Variants in COL28A1 observed in about 807,000 individuals in gnomAD.
COL28A1 encodes collagen type XXVIII alpha 1 chain, also known as collagen alpha-1(XXVIII) chain.
Under a neutral mutation model 150.2 loss-of-function variants are expected in COL28A1, and 161 were observed. The observed-to-expected ratio is 1.07, with a 90% CI of 0.94 to 1.22. The LOEUF is 1.22. Ranked by LOEUF, COL28A1 falls within the 50% of genes most tolerant of loss-of-function variation. The pLI, the probability that COL28A1 is intolerant of heterozygous loss-of-function variation, is 0.00. For missense variants in COL28A1, 1,617 were observed against 1,388.3 expected (o/e 1.16, Z -2.62); for synonymous variants, 552 against 469.7 (o/e 1.18, Z -2.26).
intron 9 of COL28A1, 72 bp from the exon 10 acceptor site, chr7:7,507,233 G>C (rs1352653786): frequency 1.3e-6 from 1 of 757,620 alleles, no homozygotes; most frequent in African/African-American, 1.8e-5. Flanking sequence ...AGGTAGGAGG[G>C]AAGGAAATGT....
At chr7:7,383,798 TTTAGG>T (rs1782031624) in intron 27 of COL28A1, among the ~76,000 whole-genome samples, 3 of 151,314 alleles carry the variant, frequency 2.0e-5, no homozygotes, top group African/African-American at 7.3e-5. Flanking sequence ...CTGATGCACA[TTTAGG>T]TTATTTCCAA....
intron 27 of COL28A1, among the ~76,000 whole-genome samples, chr7:7,398,677 A>G (rs1426246652): frequency 1.3e-5 from 2 of 152,188 alleles, no homozygotes; most frequent in African/African-American, 4.8e-5. Context: ...TATCTGTAAA[A>G]CCTGCCAAAT....
chr7:7,349,968 T>C, the COL28A1 span, among the ~76,000 whole-genome samples: 1 of 152,000 alleles, frequency 6.6e-6, no homozygotes, highest in South Asian at 2.1e-4. Context: ...TTTAAGGACA[T>C]GGAGAGAGAT....
At chr7:7,366,959 A>G (rs973318288) in intron 33 of COL28A1, among the ~76,000 whole-genome samples, 2 of 152,212 alleles carry the variant, frequency 1.3e-5, no homozygotes, top group African/African-American at 2.4e-5. Context: ...GTATGTATAT[A>G]CTATGTGTGT....
At chr7:7,446,245 G>T (rs1160830061) in intron 18 of COL28A1, among the ~76,000 whole-genome samples, 1 of 151,808 alleles carries the variant, frequency 6.6e-6, no homozygotes, top group African/African-American at 2.4e-5. Flanking sequence ...TTTTTTAAAA[G>T]ATATCAATAA....
intron 3 of COL28A1, among the ~76,000 whole-genome samples, chr7:7,529,902 AG>A (rs1782251844): frequency 6.6e-6 from 1 of 152,146 alleles, no homozygotes. Flanking sequence ...TTCATGCAAA[AG>A]AGCTGCTCAG....
chr7:7,516,761 T>C (rs1042156596), intron 7 of COL28A1, among the ~76,000 whole-genome samples: 3 of 152,088 alleles, frequency 2.0e-5, no homozygotes, highest in Non-Finnish European at 2.9e-5. Context: ...TATTATCTAT[T>C]TATTTATTTA....
intron 27 of COL28A1, among the ~76,000 whole-genome samples, chr7:7,414,542 G>T (rs1333370765): frequency 6.6e-6 from 1 of 152,200 alleles, no homozygotes; most frequent in Non-Finnish European, 1.5e-5. Flanking sequence ...GTGCTCTCAG[G>T]GTTTTCCAGG....
intron 26 of COL28A1, among the ~76,000 whole-genome samples, chr7:7,418,869 A>T (rs1784246015): frequency 6.6e-6 from 1 of 152,172 alleles, no homozygotes; most frequent in Non-Finnish European, 1.5e-5. Context: ...AGTGATCTAG[A>T]AGGTTCAAAA....
At chr7:7,385,556 A>G (rs889901761) in intron 27 of COL28A1, among the ~76,000 whole-genome samples, 16 of 150,172 alleles carry the variant, frequency 1.1e-4, no homozygotes, top group African/African-American at 3.8e-4. Context: ...AATATTTCAG[A>G]TTCCTCCAGA....
intron 25 of COL28A1, among the ~76,000 whole-genome samples, chr7:7,429,118 T>C (rs1457603949): frequency 2.0e-5 from 3 of 152,218 alleles, no homozygotes; most frequent in Admixed American, 1.3e-4. Context: ...AAAACACATT[T>C]GTTTTGTAAG....
intron 13 of COL28A1, among the ~76,000 whole-genome samples, chr7:7,481,965 T>C (rs781673761): frequency 6.6e-6 from 1 of 152,220 alleles, no homozygotes; most frequent in Non-Finnish European, 1.5e-5. Context: ...ATTTAATTTT[T>C]ATGAATCAGT....
rs771971907 is a variant in COL28A1 at position 7,531,797 on chromosome 7, T to A, written c.232A>T (p.Ile78Phe). The change falls in exon 3 of 35, where the codon ATT becomes TTT. Residue 78 changes from isoleucine to phenylalanine, a missense_variant. Coordinates refer to ENST00000399429, the MANE Select transcript of COL28A1 (RefSeq NM_001037763.3). Reference protein sequence around the residue: ...KDFVDSLSDKIFQLTPGRSLE... With the variant: ...KDFVDSLSDKFFQLTPGRSLE... The stretch of plus-strand genomic sequence containing the variant: ...GAGCGACCAGGAGTCAATTGGAAAA[T>A]CTTGTCACTCAAGCTATCCACAAAA... 2 of 1,604,196 alleles carry A rather than the reference T, an allele frequency of 1.2e-6. No individual in the cohort carries two copies. The highest frequency in any genetic ancestry group is 2.2e-5 in the South Asian group (2 of 90,886).
intron 25 of COL28A1, among the ~76,000 whole-genome samples, chr7:7,429,137 T>C (rs1440686157): frequency 6.6e-6 from 1 of 152,170 alleles, no homozygotes; most frequent in Non-Finnish European, 1.5e-5. Context: ...AGTTAATGCC[T>C]TAAGGCCACA....
intron 23 of COL28A1, among the ~76,000 whole-genome samples, chr7:7,434,762 C>G (rs1474553815): frequency 1.3e-5 from 2 of 152,134 alleles, no homozygotes; most frequent in Non-Finnish European, 2.9e-5. Flanking sequence ...ATTTTGGACT[C>G]CTTACCATAT....
chr7:7,477,126 A>G lies in COL28A1; in HGVS notation c.1219T>C (p.Phe407Leu), dbSNP rs756985172. ...GGTATTGTTACCTTTGGTCCTGGAA[A>G]TCCTTCTCCGGGTAAGCCCCTCTCT... The part of the protein sequence containing the change: ...PGERGLPGEG[F>L]PGPKGEKGSE... The change falls in exon 14 of 35, where the codon TTT becomes CTT. Residue 407 changes from phenylalanine (F) to leucine (L), a missense_variant. By Grantham distance (22) the Phe-to-Leu change is conservative. Transcript: ENST00000399429. The G allele has an allele frequency of 8.5e-6, 11 of 1,288,240 alleles. No individual in the cohort carries two copies. Among genetic ancestry groups the G allele is most frequent in the Non-Finnish European group, 1.2e-5 (11 of 881,920 alleles). The allele number at this position is 1,288,240 out of a possible 1,614,324, so 79.8% of individuals were successfully genotyped here.
chr7:7,448,141 C>T (rs142340883), intron 18 of COL28A1, among the ~76,000 whole-genome samples: 206 of 152,186 alleles, frequency 1.4e-3, no homozygotes, highest in African/African-American at 4.8e-3. Flanking sequence ...AAATACTGGC[C>T]AAATATTTTC....
intron 18 of COL28A1, 89 bp downstream of exon 18, chr7:7,452,230 A>G (rs77154721): frequency 0.14 from 215,360 of 1,536,622 alleles, 18,962 homozygotes; most frequent in African/African-American, 0.43. Flanking sequence ...GATAACACAC[A>G]CAGAGTCTGT....
intron 13 of COL28A1, among the ~76,000 whole-genome samples, chr7:7,479,511 G>C (rs1789220214): frequency 6.6e-6 from 1 of 152,202 alleles, no homozygotes; most frequent in Non-Finnish European, 1.5e-5. Context: ...TCATCACACA[G>C]CTGTTTTAAA....
Sources: allele counts gnomAD v4.1 joint callset (sites outside exome capture counted in the v4.1 genomes callset), GRCh38; gene constraint gnomAD v4.1.1; transcripts MANE v1.5; gene names NCBI Gene and HGNC (gene_info 2026-07-23, HGNC 2026-07-21).